Variants in ANKRD31 observed in about 807,000 individuals in gnomAD.
The protein encoded by ANKRD31 is ankyrin repeat domain 31.
Under a neutral mutation model 186.0 loss-of-function variants are expected in ANKRD31, and 147 were observed. The ratio of observed to expected loss-of-function variants is 0.79; its 90% CI spans 0.69 to 0.91. ANKRD31 has a LOEUF of 0.91. Among genes scored for constraint, ANKRD31 ranks in the 40% least tolerant of loss-of-function variants. ANKRD31 has a pLI of 0.00. For synonymous variants in ANKRD31, 673 were observed against 736.4 expected (o/e 0.91, Z 1.39); for missense variants, 1,986 against 2,148.8 (o/e 0.92, Z 1.50).
At chr5:75,091,086 G>A (rs528138379) in intron 23 of ANKRD31, among the ~76,000 whole-genome samples, 175 bp downstream of exon 23, 62 of 152,322 alleles carry the variant, frequency 4.1e-4, no homozygotes, top group Middle Eastern at 3.4e-3. Context: ...AAAGTGATGT[G>A]TTCATTCTGT....
intron 19 of ANKRD31, among the ~76,000 whole-genome samples, chr5:75,115,219 A>T (rs1748118482): frequency 6.6e-6 from 1 of 150,414 alleles, no homozygotes; most frequent in African/African-American, 2.4e-5. Context: ...AGAAAGCTGA[A>T]ACTGGATCCC....
intron 3 of ANKRD31, among the ~76,000 whole-genome samples, chr5:75,221,744 C>A (rs917934416): frequency 2.0e-5 from 3 of 152,094 alleles, no homozygotes; most frequent in African/African-American, 7.2e-5. Flanking sequence ...CCAGTCTACT[C>A]AATGTGAAGA....
chr5:75,155,683 T>C (rs796591748), intron 11 of ANKRD31, among the ~76,000 whole-genome samples: 5 of 152,290 alleles, frequency 3.3e-5, no homozygotes, highest in African/African-American at 1.2e-4. Context: ...TCCATGTTAA[T>C]GTATGGAATG....
In ANKRD31 at chr5:75,146,471, T is replaced by C; in HGVS notation, c.2940A>G (p.Ala980=). The change falls in exon 14 of 26, where the codon GCA becomes GCG. Residue 980 remains alanine, a synonymous_variant. Transcript: ENST00000506364. The part of the protein sequence containing the change: ...EAVNFSYSDN[A]VISEHVANYE... ...AATTTGCAACATGTTCAGAAATAAC[T>C]GCATTATCTGAATAAGAAAAATTAA... 6.5e-7 allele frequency: 1 copy of C among 1,536,440 alleles called. No homozygotes were observed. The highest frequency in any genetic ancestry group is 8.7e-7 in the Non-Finnish European group (1 of 1,146,422).
intron 12 of ANKRD31, among the ~76,000 whole-genome samples, chr5:75,149,889 G>C (rs1487003127): frequency 1.3e-5 from 2 of 151,852 alleles, no homozygotes; most frequent in Non-Finnish European, 2.9e-5. Flanking sequence ...AAACCACCCT[G>C]CAAGGGACAT....
intron 19 of ANKRD31, among the ~76,000 whole-genome samples, chr5:75,113,653 A>C (rs1747960231): frequency 6.6e-6 from 1 of 152,216 alleles, no homozygotes; most frequent in Non-Finnish European, 1.5e-5. Context: ...CTTCTGAAGT[A>C]TGTTGCCCTG....
rs1757884733 is a variant in ANKRD31, at chr5:75,230,543, T to G, written c.178+19A>C. 6.6e-7 allele frequency: 1 copy of G among 1,524,482 alleles called. No individual in the cohort carries two copies. Among genetic ancestry groups the G allele is most frequent in the Non-Finnish European group, 8.8e-7 (1 of 1,136,396 alleles). The allele number at this position is 1,524,482 out of a possible 1,614,324, so 94.4% of individuals were successfully genotyped here. ...CTGGGAAACTAAAGGGACTACTTAATGAAAAGAATCATTCTCACCTTTGCA... is the reference window on the plus strand; with the variant it reads ...CTGGGAAACTAAAGGGACTACTTAAGGAAAAGAATCATTCTCACCTTTGCA... On this transcript the variant is annotated intron_variant, in intron 2 of 25. Transcript: ENST00000506364.
At chr5:75,216,549 G>A (rs1756971416) in intron 3 of ANKRD31, among the ~76,000 whole-genome samples, 1 of 152,068 alleles carries the variant, frequency 6.6e-6, no homozygotes, top group Non-Finnish European at 1.5e-5. Flanking sequence ...TTTTAAATGA[G>A]TTATTAGAAG....
chr5:75,180,201 G>T (rs897861878), intron 10 of ANKRD31, among the ~76,000 whole-genome samples: 2 of 152,118 alleles, frequency 1.3e-5, no homozygotes, highest in East Asian at 3.9e-4. Flanking sequence ...TCTTCAAGGA[G>T]AACTACAAAC....
At chr5:75,072,883 A>G (rs1022888501) in intron 25 of ANKRD31, among the ~76,000 whole-genome samples, 4 of 152,232 alleles carry the variant, frequency 2.6e-5, no homozygotes, top group African/African-American at 7.2e-5. Flanking sequence ...ATACACACAG[A>G]AATATCCATA....
chr5:75,077,663 T>C lies in ANKRD31; in HGVS notation c.5647+2905A>G, dbSNP rs540690322. ...GTTCTTGGCCGGGCGCGGTGGCTCATGCCTGTAATCCCAGCACTTTGGGAG... is the reference window on the plus strand; with the variant it reads ...GTTCTTGGCCGGGCGCGGTGGCTCACGCCTGTAATCCCAGCACTTTGGGAG... On this transcript the variant is annotated intron_variant, in intron 25 of 25. Coordinates refer to ENST00000506364, the MANE Select transcript of ANKRD31 (RefSeq NM_001372053.1). Among the ~76,000 whole-genome samples, 15 of 152,170 alleles carry C rather than the reference T, an allele frequency of 9.9e-5. No individual in the cohort carries two copies. The East Asian group carries it at 1.7e-3, about 18-fold the overall frequency.
At chr5:75,071,515 G>A (rs1355802349) in intron 25 of ANKRD31, among the ~76,000 whole-genome samples, 1 of 142,194 alleles carries the variant, frequency 7.0e-6, no homozygotes, top group South Asian at 2.3e-4. Flanking sequence ...TTTTTTTTGA[G>A]GTGGAGTCTC....
At chr5:75,138,775 G>A in intron 16 of ANKRD31, 71 bp downstream of exon 16, 2 of 1,457,004 alleles carry the variant, frequency 1.4e-6, no homozygotes, top group Non-Finnish European at 1.8e-6. Flanking sequence ...ATTGGAGGGG[G>A]CAGGAGGTGT....
At chr5:75,151,975 C>CAATG (rs927889942) in intron 12 of ANKRD31, among the ~76,000 whole-genome samples, 14 of 152,064 alleles carry the variant, frequency 9.2e-5, no homozygotes, top group Admixed American at 3.3e-4. Context: ...AACCCTGATA[C>CAATG]AATGAATGAA....
chr5:75,106,580 C>T (rs905497241), intron 21 of ANKRD31, among the ~76,000 whole-genome samples: 28 of 152,090 alleles, frequency 1.8e-4, no homozygotes, highest in African/African-American at 6.3e-4. Context: ...TGTGAAGTCT[C>T]ATAGCAATAT....
chr5:75,236,235 G>A (rs1758267868), intron 1 of ANKRD31, among the ~76,000 whole-genome samples: 1 of 152,190 alleles, frequency 6.6e-6, no homozygotes, highest in Non-Finnish European at 1.5e-5. Context: ...GTCTCTTGAA[G>A]CAAAATGAAG....
intron 1 of ANKRD31, among the ~76,000 whole-genome samples, chr5:75,232,762 C>T (rs1173650101): frequency 6.6e-6 from 1 of 152,080 alleles, no homozygotes; most frequent in African/African-American, 2.4e-5. Context: ...CCAAAATAAG[C>T]CACTGTGACA....
chr5:75,227,470 A>T (rs1164355660), intron 2 of ANKRD31, among the ~76,000 whole-genome samples: 6 of 152,196 alleles, frequency 3.9e-5, no homozygotes, highest in Non-Finnish European at 8.8e-5. Context: ...AGTGATGGAT[A>T]TCCCATTTAC....
intron 25 of ANKRD31, among the ~76,000 whole-genome samples, chr5:75,075,702 G>A (rs1744584348): frequency 6.6e-6 from 1 of 152,104 alleles, no homozygotes; most frequent in African/African-American, 2.4e-5. Flanking sequence ...GATGGGAACA[G>A]ATAAAGACAC....
Sources: gnomAD v4.1 joint callset for allele counts (sites outside exome capture counted in the v4.1 genomes callset) on GRCh38, gnomAD v4.1.1 for gene constraint, MANE v1.5 for transcripts, NCBI Gene and HGNC (gene_info 2026-07-23, HGNC 2026-07-21) for gene names.